PITPNC1: variants seen among roughly 807,000 people sequenced by gnomAD.
The protein encoded by PITPNC1 is cytoplasmic phosphatidylinositol transfer protein 1.
PITPNC1 carries 18 observed loss-of-function variants against 44.7 expected under a neutral mutation model. The ratio of observed to expected loss-of-function variants is 0.40; its 90% confidence interval spans 0.28 to 0.60. The LOEUF (loss-of-function observed/expected upper bound fraction) is 0.60, where lower values mean the gene tolerates loss of function less well. Ranked by LOEUF, PITPNC1 falls within the 20% of genes least tolerant of loss-of-function variation. PITPNC1 has a pLI of 0.39. For synonymous variants in PITPNC1, 141 were observed against 149.6 expected, an observed-to-expected ratio of 0.94 and a Z score of 0.42; for missense variants, 290 against 418.4, an observed-to-expected ratio of 0.69 and a Z score of 2.68.
At chr17:67,549,733 T>C (rs2040732780) in intron 2 of PITPNC1, among the ~76,000 whole-genome samples, 1 of 152,062 alleles carries the variant, frequency 6.6e-6, no homozygotes, top group African/African-American at 2.4e-5. Flanking sequence ...TGGAGTGAAT[T>C]TGAGGAGGGG....
chr17:67,653,913 G>A (rs2042235744), intron 6 of PITPNC1, among the ~76,000 whole-genome samples: 1 of 152,186 alleles, frequency 6.6e-6, no homozygotes, highest in East Asian at 1.9e-4. Context: ...TTTAAGATGC[G>A]TGAAGGCTGC....
intron 6 of PITPNC1, among the ~76,000 whole-genome samples, chr17:67,654,750 G>A (rs1335934292): frequency 1.3e-5 from 2 of 151,950 alleles, no homozygotes; most frequent in Admixed American, 6.6e-5. Flanking sequence ...CTCCTGCCTC[G>A]GTCTCCCGAG....
chr17:67,510,568 C>T lies in PITPNC1; in HGVS notation c.49-22234C>T, dbSNP rs189192270. On this transcript the variant is annotated intron_variant, in intron 1 of 8. Coordinates refer to ENST00000581322, the MANE Select transcript of PITPNC1 (RefSeq NM_012417.4). Reference sequence around the variant, plus strand: ...TTGACCGCCTCGGCCTCCCAAAGTGCTGGGATTACAGGCGTGAGCCACCGC... The same window carrying T: ...TTGACCGCCTCGGCCTCCCAAAGTGTTGGGATTACAGGCGTGAGCCACCGC... 6.0e-3 allele frequency among the ~76,000 whole-genome samples: 914 copies of T among 152,314 alleles called. 13 individuals carry two copies. Among genetic ancestry groups the T allele is most frequent in the African/African-American group, 0.021 (880 of 41,574 alleles).
chr17:67,538,789 A>G (rs2040564779), intron 2 of PITPNC1, among the ~76,000 whole-genome samples: 1 of 152,038 alleles, frequency 6.6e-6, no homozygotes, highest in Non-Finnish European at 1.5e-5. Flanking sequence ...ATAGCAAAAG[A>G]CACACACATA....
At chr17:67,684,831 A>T (rs1290303231) in intron 8 of PITPNC1, among the ~76,000 whole-genome samples, 1 of 152,200 alleles carries the variant, frequency 6.6e-6, no homozygotes, top group Admixed American at 6.5e-5. Context: ...CCTTTTTCAC[A>T]TCCATAAAAT....
At chr17:67,679,239 C>T (rs1043320095) in intron 8 of PITPNC1, among the ~76,000 whole-genome samples, 1 of 152,146 alleles carries the variant, frequency 6.6e-6, no homozygotes, top group African/African-American at 2.4e-5. Context: ...GGCGATAGAG[C>T]GAGCCTTTGT....
intron 1 of PITPNC1, among the ~76,000 whole-genome samples, chr17:67,502,440 T>C (rs2040043832): frequency 6.6e-6 from 1 of 152,074 alleles, no homozygotes; most frequent in Non-Finnish European, 1.5e-5. Flanking sequence ...CTTAAGGAGA[T>C]TGGAAAATTT....
chr17:67,560,808 G>A (rs146044631), intron 4 of PITPNC1, among the ~76,000 whole-genome samples: 56 of 152,262 alleles, frequency 3.7e-4, no homozygotes, highest in African/African-American at 1.2e-3. Context: ...GATAGAACAC[G>A]TGGCTCTACT....
intron 1 of PITPNC1, among the ~76,000 whole-genome samples, chr17:67,464,661 A>G (rs2039397067): frequency 6.6e-6 from 1 of 152,204 alleles, no homozygotes; most frequent in Admixed American, 6.5e-5. Context: ...AAGCTAATTT[A>G]AAATTGCACC....
chr17:67,533,345 C>G (rs150501082), intron 2 of PITPNC1, among the ~76,000 whole-genome samples: 144 of 152,316 alleles, frequency 9.5e-4, no homozygotes, highest in African/African-American at 3.3e-3. Flanking sequence ...TCCTCAACTG[C>G]GTTTCCATTA....
At chr17:67,506,522 A>T (rs1274060152) in intron 1 of PITPNC1, among the ~76,000 whole-genome samples, 1 of 152,134 alleles carries the variant, frequency 6.6e-6, no homozygotes, top group African/African-American at 2.4e-5. Flanking sequence ...GCTGAAAACA[A>T]TTTTTTTCTG....
intron 5 of PITPNC1, among the ~76,000 whole-genome samples, chr17:67,616,286 GTGC>G (rs2041756634): frequency 6.6e-6 from 1 of 152,032 alleles, no homozygotes; most frequent in Non-Finnish European, 1.5e-5. Context: ...GATTACAGGG[GTGC>G]ACTACCACGC....
intron 1 of PITPNC1, among the ~76,000 whole-genome samples, chr17:67,399,235 G>A (rs924389431): frequency 1.2e-4 from 18 of 151,904 alleles, no homozygotes; most frequent in South Asian, 2.1e-4. Flanking sequence ...GGCTGGTCTC[G>A]AACTCCTGAC....
At chr17:67,640,685 GAAAAAAAA>G (rs71139165) in intron 6 of PITPNC1, among the ~76,000 whole-genome samples, 1 of 100,218 alleles carries the variant, frequency 1.0e-5, no homozygotes, top group Non-Finnish European at 1.9e-5. Flanking sequence ...TGTTGAAAAA[GAAAAAAAA>G]AAAAAAAAAA....
chr17:67,639,880 C>T (rs1377869004), intron 6 of PITPNC1, among the ~76,000 whole-genome samples: 1 of 152,166 alleles, frequency 6.6e-6, no homozygotes, highest in African/African-American at 2.4e-5. Context: ...TAAATATTGT[C>T]ATATTTAGCT....
intron 1 of PITPNC1, among the ~76,000 whole-genome samples, chr17:67,522,498 T>A (rs1003500769): frequency 2.0e-5 from 3 of 152,100 alleles, no homozygotes; most frequent in Non-Finnish European, 4.4e-5. Context: ...GAAATAATTT[T>A]AAAAATTATT....
chr17:67,489,636 C>A (rs569168370), intron 1 of PITPNC1, among the ~76,000 whole-genome samples: 1 of 152,168 alleles, frequency 6.6e-6, no homozygotes, highest in African/African-American at 2.4e-5. Flanking sequence ...AGCTTCCAGG[C>A]GAGTCTAATA....
At chr17:67,575,873 T>TC (rs1568047910) in intron 4 of PITPNC1, among the ~76,000 whole-genome samples, 3 of 75,484 alleles carry the variant, frequency 4.0e-5, no homozygotes, top group African/African-American at 1.9e-4. Flanking sequence ...CTTCTTTCTT[T>TC]CTTTCCTTTT....
chr17:67,606,343 G>T (rs923734659), intron 5 of PITPNC1, among the ~76,000 whole-genome samples: 1 of 152,170 alleles, frequency 6.6e-6, no homozygotes, highest in Admixed American at 6.5e-5. Context: ...TATGGTTTTT[G>T]TTGTTATTAT....
Sources: gnomAD v4.1 joint callset for allele counts (sites outside exome capture counted in the v4.1 genomes callset) on GRCh38, gnomAD v4.1.1 for gene constraint, MANE v1.5 for transcripts, NCBI Gene and HGNC (gene_info 2026-07-23, HGNC 2026-07-21) for gene names.